The following UTS2 variants were observed in gnomAD, a reference collection of about 807,000 sequenced individuals.
UTS2 encodes urotensin 2, also known as urotensin-2.
Under a neutral mutation model 12.6 loss-of-function variants are expected in UTS2, and 10 were observed. That is an observed-to-expected ratio of 0.80 (90% CI 0.49 to 1.35). The LOEUF is 1.35. Ranked by LOEUF, UTS2 falls within the 40% of genes most tolerant of loss-of-function variation. The probability of loss-of-function intolerance (pLI) is 0.00; values close to 1 mark genes in which losing one functional copy is unlikely to be tolerated. For synonymous variants in UTS2, 52 were observed against 50.0 expected (o/e 1.04, Z -0.17); for missense variants, 142 against 143.2 (o/e 0.99, Z 0.04).
chr1:7,853,008 G>A lies in UTS2; in HGVS notation c.-5C>T, dbSNP rs372938634. The A allele has an allele frequency of 4.9e-5, 78 of 1,606,082 alleles. No individual in the cohort carries two copies. Among genetic ancestry groups the A allele is most frequent in the East Asian group, 3.6e-4 (16 of 44,800 alleles). On this transcript the variant is annotated 5_prime_UTR_variant, in exon 1 of 4. Transcript: ENST00000361696. ...GCAGGAGGCCAGCTTATACATGATCGCCACAAGATAGACGGCTTCCTTCTT... is the reference window on the plus strand; with the variant it reads ...GCAGGAGGCCAGCTTATACATGATCACCACAAGATAGACGGCTTCCTTCTT...
chr1:7,877,569 A>G, the UTS2 span, among the ~76,000 whole-genome samples: 3 of 152,214 alleles, frequency 2.0e-5, no homozygotes, highest in Non-Finnish European at 4.4e-5. Flanking sequence ...TAGAAAATAT[A>G]CTTAATAAAA....
chr1:7,872,077 G>A, the UTS2 span, among the ~76,000 whole-genome samples: 1 of 151,982 alleles, frequency 6.6e-6, no homozygotes, highest in Non-Finnish European at 1.5e-5. Context: ...CGAGGCGGGT[G>A]GATCATGAGG....
chr1:7,902,772 G>C, the UTS2 span, among the ~76,000 whole-genome samples: 3 of 152,114 alleles, frequency 2.0e-5, no homozygotes, highest in Non-Finnish European at 4.4e-5. Context: ...GCCTTTAACA[G>C]AGGCGGGCCA....
chr1:7,910,253 GAGA>G, the UTS2 span, among the ~76,000 whole-genome samples: 1 of 152,022 alleles, frequency 6.6e-6, no homozygotes, highest in Non-Finnish European at 1.5e-5. Context: ...CTTAAAACCT[GAGA>G]AGATTACTCT....
chr1:7,884,893 A>C, the UTS2 span, among the ~76,000 whole-genome samples: 1 of 150,590 alleles, frequency 6.6e-6, no homozygotes, highest in African/African-American at 2.5e-5. Flanking sequence ...CCATCCATCC[A>C]TCTGCCCATC....
the UTS2 span, among the ~76,000 whole-genome samples, chr1:7,893,795 C>T: frequency 1.3e-5 from 2 of 152,192 alleles, no homozygotes; most frequent in East Asian, 1.9e-4. Context: ...TATTTCGTCG[C>T]ACTTTTTAAT....
the UTS2 span, among the ~76,000 whole-genome samples, chr1:7,863,041 TTGTATTGTATTGTATTG>T: frequency 4.7e-3 from 139 of 29,360 alleles, 4 homozygotes; most frequent in African/African-American, 0.012. Flanking sequence ...TTGTATTGTA[TTGTATTGTATTGTATTG>T]TATTGTATTG....
chr1:7,886,073 C>G, the UTS2 span, among the ~76,000 whole-genome samples: 1 of 152,118 alleles, frequency 6.6e-6, no homozygotes, highest in Non-Finnish European at 1.5e-5. Context: ...CCCAGGTACC[C>G]AGGTGTAAAC....
At chr1:7,895,854 C>T in the UTS2 span, among the ~76,000 whole-genome samples, 2 of 152,204 alleles carry the variant, frequency 1.3e-5, no homozygotes, top group Non-Finnish European at 2.9e-5. Context: ...TCTGCTTCTA[C>T]ATTTTCTTAG....
intron 2 of UTS2, among the ~76,000 whole-genome samples, chr1:7,850,095 T>C (rs1281006417): frequency 3.3e-5 from 5 of 151,362 alleles, no homozygotes; most frequent in Non-Finnish European, 7.4e-5. Context: ...TCAGCCTCCC[T>C]AGTAGCTGGG....
At chr1:7,850,565 A>G (rs2097412938) in intron 2 of UTS2, among the ~76,000 whole-genome samples, 1 of 152,146 alleles carries the variant, frequency 6.6e-6, no homozygotes, top group Non-Finnish European at 1.5e-5. Context: ...ACCAAGCTCT[A>G]CCCCGCAAAA....
the UTS2 span, among the ~76,000 whole-genome samples, chr1:7,868,450 C>T: frequency 1.3e-5 from 2 of 152,152 alleles, no homozygotes; most frequent in African/African-American, 4.8e-5. Flanking sequence ...TGCAAGCACT[C>T]GGCCCTGTGG....
At chr1:7,907,195 G>GC in the UTS2 span, among the ~76,000 whole-genome samples, 267 of 152,242 alleles carry the variant, frequency 1.8e-3, 7 homozygotes, top group East Asian at 0.047. Flanking sequence ...GGTGGAGACT[G>GC]CAATGAGCTG....
chr1:7,890,554 C>T, the UTS2 span, among the ~76,000 whole-genome samples: 1 of 152,024 alleles, frequency 6.6e-6, no homozygotes, highest in Admixed American at 6.6e-5. Flanking sequence ...TTTACAGATG[C>T]ATTTACGAAG....
the UTS2 span, among the ~76,000 whole-genome samples, chr1:7,906,857 A>G: frequency 1.3e-5 from 2 of 152,206 alleles, no homozygotes; most frequent in African/African-American, 4.8e-5. Context: ...GCTGTGATCA[A>G]GGAGAGTATG....
At chr1:7,905,147 CT>C in the UTS2 span, among the ~76,000 whole-genome samples, 441 of 136,320 alleles carry the variant, frequency 3.2e-3, no homozygotes, top group South Asian at 0.029. Flanking sequence ...TTTCTTTTTT[CT>C]TTTTTTTTTT....
the UTS2 span, among the ~76,000 whole-genome samples, chr1:7,882,871 T>A: frequency 1.3e-5 from 2 of 152,254 alleles, no homozygotes; most frequent in African/African-American, 4.8e-5. Context: ...GTGAGATACA[T>A]ATCCCAATTC....
the UTS2 span, among the ~76,000 whole-genome samples, chr1:7,895,104 C>G: frequency 1.3e-5 from 2 of 152,156 alleles, no homozygotes; most frequent in Non-Finnish European, 2.9e-5. Context: ...CACGGTGGCT[C>G]ACACCTGTGA....
the UTS2 span, among the ~76,000 whole-genome samples, chr1:7,867,027 G>A: frequency 2.0e-5 from 3 of 151,964 alleles, no homozygotes; most frequent in Non-Finnish European, 2.9e-5. Context: ...GCATCACCAC[G>A]CCCAGCTAAT....
Sources: allele counts gnomAD v4.1 joint callset (sites outside exome capture counted in the v4.1 genomes callset), GRCh38; gene constraint gnomAD v4.1.1; transcripts MANE v1.5; gene names NCBI Gene and HGNC (gene_info 2026-07-23, HGNC 2026-07-21).